The following TEX9 variants were observed in gnomAD, a reference collection of about 807,000 sequenced individuals.
The protein encoded by TEX9 is testis expressed 9.
A neutral mutation model predicts 59.6 loss-of-function variants in TEX9; 74 were observed. That is an observed-to-expected ratio of 1.24 (90% CI 1.03 to 1.51). The LOEUF (loss-of-function observed/expected upper bound fraction) is 1.51. TEX9 is among the 40% of genes most tolerant of loss of function. The pLI is 0.00. For synonymous variants in TEX9, 186 were observed against 152.2 expected (o/e 1.22, Z -1.64); for missense variants, 522 against 447.8 (o/e 1.17, Z -1.49).
chr15:56,349,258 G>A (rs904880333), intron 1 of TEX9, among the ~76,000 whole-genome samples: 7 of 152,172 alleles, frequency 4.6e-5, no homozygotes, highest in African/African-American at 1.4e-4. Context: ...TTCTTCCAAA[G>A]AGTTGTTATG....
chr15:56,272,296 C>T (rs2044554228), intron 1 of TEX9, among the ~76,000 whole-genome samples: 1 of 152,212 alleles, frequency 6.6e-6, no homozygotes, highest in African/African-American at 2.4e-5. Flanking sequence ...GCTCCAACCC[C>T]TGGCAATCAC....
At chr15:56,425,445 G>A (rs1159902506) in intron 10 of TEX9, among the ~76,000 whole-genome samples, 2 of 152,058 alleles carry the variant, frequency 1.3e-5, no homozygotes, top group African/African-American at 4.8e-5. Flanking sequence ...CATTTCAAAT[G>A]ACCTGTCTGA....
upstream of TEX9, among the ~76,000 whole-genome samples, chr15:56,364,140 ATTT>A (rs200071666): frequency 1.3e-5 from 2 of 150,016 alleles, no homozygotes; most frequent in African/African-American, 4.9e-5. Context: ...TAGTTTATCT[ATTT>A]TTTTTTCCTT....
chr15:56,405,437 C>T (rs1426698151), intron 9 of TEX9, among the ~76,000 whole-genome samples: 3 of 152,054 alleles, frequency 2.0e-5, no homozygotes, highest in Non-Finnish European at 1.5e-5. Context: ...TTCAACAAAT[C>T]ATGTCATTCC....
intron 10 of TEX9, among the ~76,000 whole-genome samples, chr15:56,425,972 G>A (rs141723974): frequency 1.4e-3 from 219 of 152,130 alleles, no homozygotes; most frequent in African/African-American, 5.0e-3. Context: ...CCATACACAC[G>A]GCTTCTTTTA....
In TEX9 at chr15:56,394,735, TAA is replaced by T; in HGVS notation, c.730_731del (p.Asn244TyrfsTer21). The T allele has an allele frequency of 6.2e-7, 1 of 1,611,562 alleles. No individual in the cohort carries two copies. Among genetic ancestry groups the T allele is most frequent in the Non-Finnish European group, 8.5e-7 (1 of 1,179,098 alleles). On this transcript the variant is annotated frameshift_variant, in exon 9 of 13. Transcript: ENST00000352903. LOFTEE classifies it high-confidence loss of function. ...ATTTTATGAGACAGCAGCGAACAAT[TAA>T]TATGCAACAGTCTCAAGTAGAAAAA...
intron 10 of TEX9, among the ~76,000 whole-genome samples, chr15:56,414,317 T>TG (rs2049555967): frequency 1.3e-5 from 2 of 151,684 alleles, no homozygotes; most frequent in South Asian, 4.1e-4. Context: ...CATGGGGGTT[T>TG]GTTGCACATA....
In TEX9 at chr15:56,426,626, T is replaced by TATATACATACAC. The variant is rs1214988827; in HGVS notation, c.964-978_964-977insTATACATACACA. ...ATATATATATATATATATATATATATACACACACACAAACACACACACACA... is the reference window on the plus strand; with the variant it reads ...ATATATATATATATATATATATATATATATACATACACACACACACACAAACACACACACACA... On this transcript the variant is annotated intron_variant, in intron 10 of 12. Coordinates refer to ENST00000352903, the Ensembl canonical transcript of TEX9. 3.2e-3 allele frequency among the ~76,000 whole-genome samples: 150 copies of TATATACATACAC among 47,194 alleles called. 4 individuals carry two copies. Among genetic ancestry groups the TATATACATACAC allele is most frequent in the Non-Finnish European group, 6.5e-3 (129 of 19,826 alleles). 31.0% of individuals were successfully genotyped at this position (47,194 alleles called of 152,430 possible).
chr15:56,364,256 C>T (rs1255263114), upstream of TEX9, among the ~76,000 whole-genome samples: 11 of 151,788 alleles, frequency 7.2e-5, no homozygotes, highest in Non-Finnish European at 1.3e-4. Context: ...CAGGTTCAAG[C>T]GATTCTCCTG....
chr15:56,439,095 G>A (rs2050777025), intron 12 of TEX9, among the ~76,000 whole-genome samples: 1 of 152,126 alleles, frequency 6.6e-6, no homozygotes, highest in South Asian at 2.1e-4. Flanking sequence ...CAGCAAGGTT[G>A]TGAGATACAA....
At chr15:56,362,160 A>T (rs183167585), upstream of TEX9, among the ~76,000 whole-genome samples, 12 of 152,338 alleles carry the variant, frequency 7.9e-5, no homozygotes, top group African/African-American at 2.6e-4. Context: ...TATAAATGTC[A>T]ATTAGATCAA....
At chr15:56,422,035 T>C (rs2050001381) in intron 10 of TEX9, among the ~76,000 whole-genome samples, 1 of 141,386 alleles carries the variant, frequency 7.1e-6, no homozygotes, top group Non-Finnish European at 1.5e-5. Flanking sequence ...CCCTGAGGAA[T>C]CGCCACACTG....
intron 3 of TEX9, among the ~76,000 whole-genome samples, chr15:56,377,947 A>C (rs1335023074): frequency 2.0e-5 from 3 of 152,156 alleles, no homozygotes; most frequent in African/African-American, 7.2e-5. Context: ...GAACTTTATC[A>C]AATGCTTTTC....
chr15:56,359,517 T>TGTA (rs1178313498), intron 1 of TEX9, among the ~76,000 whole-genome samples: 1 of 152,218 alleles, frequency 6.6e-6, no homozygotes, highest in African/African-American at 2.4e-5. Flanking sequence ...GTTTCATTCA[T>TGTA]GTAGTAGCAT....
At position 56,399,820 on chromosome 15, in the gene TEX9, C is replaced by T. The variant is rs146812371; in HGVS notation, c.828+4986C>T. Reference sequence around the variant, plus strand: ...GCAATATTTGCTGTTCTGCAGCCTCCGTGGGTGATACCCAGGCAAACAGGG... The same window carrying T: ...GCAATATTTGCTGTTCTGCAGCCTCTGTGGGTGATACCCAGGCAAACAGGG... On this transcript the variant is annotated intron_variant, in intron 9 of 12. Coordinates refer to ENST00000352903, the Ensembl canonical transcript of TEX9. 4.8e-3 allele frequency among the ~76,000 whole-genome samples: 738 copies of T among 152,296 alleles called. 7 individuals are homozygous for T. The highest frequency in any genetic ancestry group is 0.017 in the African/African-American group (696 of 41,548).
chr15:56,396,678 A>G (rs1327459066), intron 9 of TEX9: 1 of 139,512 alleles, frequency 7.2e-6, no homozygotes, highest in African/African-American at 2.7e-5. Context: ...AGCCGGTGGG[A>G]GGTAATTGAA....
At chr15:56,278,206 T>A (rs1474446484) in intron 1 of TEX9, among the ~76,000 whole-genome samples, 1 of 152,222 alleles carries the variant, frequency 6.6e-6, no homozygotes, top group East Asian at 1.9e-4. Flanking sequence ...GGTCTCCTTC[T>A]ATTCTCTATT....
chr15:56,259,998 T>A (rs1255512110), intron 1 of TEX9, among the ~76,000 whole-genome samples: 1 of 152,126 alleles, frequency 6.6e-6, no homozygotes, highest in Non-Finnish European at 1.5e-5. Flanking sequence ...TATTTGAGGT[T>A]TTCCAATGAT....
intron 1 of TEX9, among the ~76,000 whole-genome samples, chr15:56,262,986 T>C (rs567194378): frequency 3.9e-5 from 6 of 152,328 alleles, no homozygotes; most frequent in African/African-American, 1.4e-4. Flanking sequence ...TCAGTCTCTG[T>C]ACTTACATTT....
Sources: allele counts gnomAD v4.1 joint callset (sites outside exome capture counted in the v4.1 genomes callset), GRCh38; gene constraint gnomAD v4.1.1; transcripts MANE v1.5; gene names NCBI Gene and HGNC (gene_info 2026-07-23, HGNC 2026-07-21).